RFX3: variants seen among roughly 807,000 people sequenced by gnomAD.
RFX3 encodes the protein transcription factor RFX3.
In RFX3, 14 loss-of-function variants were observed where a neutral mutation model predicts 98.6. The ratio of observed to expected loss-of-function variants is 0.14; its 90% CI spans 0.09 to 0.22. The LOEUF is 0.22. Ranked by LOEUF, RFX3 falls within the 10% of genes least tolerant of loss-of-function variation. The pLI, the probability that RFX3 is intolerant of heterozygous loss-of-function variation, is 1.00. For missense variants in RFX3, 639 were observed against 926.9 expected (o/e 0.69, Z 4.03); for synonymous variants, 383 against 328.4 (o/e 1.17, Z -1.80).
At chr9:3,317,246 T>C (rs1830724014) in intron 4 of RFX3, among the ~76,000 whole-genome samples, 1 of 152,056 alleles carries the variant, frequency 6.6e-6, no homozygotes, top group Non-Finnish European at 1.5e-5. Context: ...TTTGACAAAT[T>C]TGACAAAAGC....
At chr9:3,368,139 C>T (rs981538360) in intron 2 of RFX3, among the ~76,000 whole-genome samples, 1 of 152,114 alleles carries the variant, frequency 6.6e-6, no homozygotes, top group African/African-American at 2.4e-5. Flanking sequence ...CAATTTATTG[C>T]ATAATATATT....
intron 1 of RFX3, among the ~76,000 whole-genome samples, chr9:3,477,720 T>G (rs912389525): frequency 2.6e-5 from 4 of 152,216 alleles, no homozygotes; most frequent in African/African-American, 9.6e-5. Context: ...GAAAGTTTTC[T>G]GCCATTTTTT....
chr9:3,368,519 G>T (rs1465671003), intron 2 of RFX3, among the ~76,000 whole-genome samples: 3 of 152,026 alleles, frequency 2.0e-5, no homozygotes, highest in Non-Finnish European at 4.4e-5. Context: ...AAGTAAAAGG[G>T]CATTGAAATA....
intron 1 of RFX3, among the ~76,000 whole-genome samples, chr9:3,397,903 T>TG (rs1270650313): frequency 6.6e-6 from 1 of 152,232 alleles, no homozygotes; most frequent in Non-Finnish European, 1.5e-5. Flanking sequence ...CATTTACAAA[T>TG]GAGGAACCTC....
intron 2 of RFX3, among the ~76,000 whole-genome samples, chr9:3,379,682 A>G (rs950788238): frequency 6.6e-6 from 1 of 152,166 alleles, no homozygotes; most frequent in Non-Finnish European, 1.5e-5. Context: ...ACACACACAC[A>G]GAGATAACTG....
rs1213674280 is a variant in RFX3 at position 3,316,355 on chromosome 9, AGGTATTGAT to A, written c.474+13895_474+13903del. Among the ~76,000 whole-genome samples the A allele has an allele frequency of 4.4e-3, 670 of 152,294 alleles. 6 individuals carry two copies. Among genetic ancestry groups the A allele is most frequent in the African/African-American group, 0.015 (644 of 41,560 alleles). On this transcript the variant is annotated intron_variant, in intron 4 of 16. Coordinates refer to ENST00000617270, the MANE Select transcript of RFX3 (RefSeq NM_001282116.2). ...TCATGCTAAAAAATCTCAATAAACT[AGGTATTGAT>A]GGGACGTATCTCAAAATAATAAGAG... is the stretch of plus-strand genomic sequence containing the variant.
Position 3,447,217 on chromosome 9 carries a change from T to C in RFX3, c.-8-51621A>G, listed in dbSNP as rs1390572745. Among the ~76,000 whole-genome samples the C allele has an allele frequency of 3.3e-5, 5 of 152,106 alleles. No homozygotes were observed. The East Asian group carries it at 9.7e-4, about 29-fold the overall frequency. ...CTTTCTGAAGAATTAAAATGTCTTTTAAAAAACACACAAGAAAAAAAAACT... is the reference window on the plus strand; with the variant it reads ...CTTTCTGAAGAATTAAAATGTCTTTCAAAAAACACACAAGAAAAAAAAACT... On this transcript the variant is annotated intron_variant, in intron 1 of 16. Coordinates refer to ENST00000617270, the MANE Select transcript of RFX3 (RefSeq NM_001282116.2).
intron 2 of RFX3, among the ~76,000 whole-genome samples, chr9:3,376,746 A>G (rs1051967770): frequency 6.6e-6 from 1 of 152,202 alleles, no homozygotes; most frequent in African/African-American, 2.4e-5. Flanking sequence ...CAAATTTACA[A>G]GAAAAAAACA....
intron 1 of RFX3, among the ~76,000 whole-genome samples, chr9:3,475,814 G>A (rs1171301484): frequency 1.3e-5 from 2 of 152,180 alleles, no homozygotes; most frequent in East Asian, 3.9e-4. Context: ...CCCTCCACAA[G>A]AGGTGGAGTA....
At chr9:3,474,972 G>A (rs1271509364) in intron 1 of RFX3, among the ~76,000 whole-genome samples, 1 of 151,928 alleles carries the variant, frequency 6.6e-6, no homozygotes, top group East Asian at 1.9e-4. Context: ...GGTGACACAT[G>A]CCTATAGTCC....
chr9:3,448,002 AT>A (rs1345091313), intron 1 of RFX3, among the ~76,000 whole-genome samples: 1 of 152,178 alleles, frequency 6.6e-6, no homozygotes, highest in African/African-American at 2.4e-5. Context: ...AATCACAAGC[AT>A]TTTCATTAAA....
chr9:3,395,369 C>T (rs117466851), intron 2 of RFX3, 103 bp downstream of exon 2: 1 of 1,329,238 alleles, frequency 7.5e-7, no homozygotes, highest in Non-Finnish European at 1.0e-6. Flanking sequence ...GTATGCCTAT[C>T]ATAGCAAGAC....
intron 1 of RFX3, among the ~76,000 whole-genome samples, chr9:3,518,674 T>C (rs900977522): frequency 6.6e-6 from 1 of 152,160 alleles, no homozygotes; most frequent in Admixed American, 6.5e-5. Context: ...AATTACTGAA[T>C]AGCAACTTTA....
At chr9:3,331,964 C>T (rs1455775831) in intron 3 of RFX3, among the ~76,000 whole-genome samples, 2 of 152,026 alleles carry the variant, frequency 1.3e-5, no homozygotes, top group South Asian at 2.1e-4. Flanking sequence ...GATGAGATTC[C>T]ATTCCTCTCT....
intron 2 of RFX3, among the ~76,000 whole-genome samples, chr9:3,378,236 A>G (rs1344395090): frequency 6.6e-6 from 1 of 152,212 alleles, no homozygotes; most frequent in Non-Finnish European, 1.5e-5. Context: ...GAAGAATTGG[A>G]CAGGTACTCA....
chr9:3,469,078 A>C (rs1280797690), intron 1 of RFX3: 5 of 364,972 alleles, frequency 1.4e-5, no homozygotes, highest in Non-Finnish European at 2.8e-5. Context: ...AAAACATTCA[A>C]GTGAAAGCCC....
chr9:3,236,766 G>A (rs1482302316), intron 15 of RFX3, among the ~76,000 whole-genome samples: 1 of 152,156 alleles, frequency 6.6e-6, no homozygotes, highest in Admixed American at 6.5e-5. Context: ...ATGTGAAAAT[G>A]TTAACCAGAA....
intron 1 of RFX3, among the ~76,000 whole-genome samples, chr9:3,415,574 T>C (rs1458921228): frequency 2.6e-5 from 4 of 152,146 alleles, no homozygotes. Flanking sequence ...AAGCATTAAC[T>C]TCCTTGGCTA....
In RFX3 at chr9:3,504,828, A is replaced by T. The variant is rs1231144513; in HGVS notation, c.-9+20919T>A. ...TATATAAAATATATATTATATATAAAATATGTATAAAATATATATATTATA... is the reference window on the plus strand; with the variant it reads ...TATATAAAATATATATTATATATAATATATGTATAAAATATATATATTATA... On this transcript the variant is annotated intron_variant, in intron 1 of 16. Coordinates refer to ENST00000617270, the MANE Select transcript of RFX3 (RefSeq NM_001282116.2). 3.3e-4 allele frequency among the ~76,000 whole-genome samples: 14 copies of T among 42,640 alleles called. 1 individual carries two copies. Among genetic ancestry groups the T allele is most frequent in the African/African-American group, 9.6e-4 (11 of 11,404 alleles). 28.0% of individuals were successfully genotyped at this position (42,640 alleles called of 152,430 possible).
Sources: allele counts gnomAD v4.1 joint callset (sites outside exome capture counted in the v4.1 genomes callset), GRCh38; gene constraint gnomAD v4.1.1; transcripts MANE v1.5; gene names NCBI Gene and HGNC (gene_info 2026-07-23, HGNC 2026-07-21).